The following CACNA1A variants were observed in gnomAD, a reference collection of about 807,000 sequenced individuals.
CACNA1A encodes calcium voltage-gated channel subunit alpha1 A, also known as voltage-dependent P/Q-type calcium channel subunit alpha-1A.
In CACNA1A, 57 loss-of-function variants were observed where a neutral mutation model predicts 262.4. The ratio of observed to expected loss-of-function variants is 0.22; its 90% CI spans 0.18 to 0.27. The LOEUF (loss-of-function observed/expected upper bound fraction) is 0.27, where lower values mean the gene tolerates loss of function less well. Ranked by LOEUF, CACNA1A falls within the 10% of genes least tolerant of loss-of-function variation. The probability of loss-of-function intolerance (pLI) is 1.00; values close to 1 mark genes in which losing one functional copy is unlikely to be tolerated. For synonymous variants in CACNA1A, 1,431 were observed against 1,419.3 expected (o/e 1.01, Z -0.18); for missense variants, 2,526 against 3,562.8 (o/e 0.71, Z 7.41).
intron 3 of CACNA1A, among the ~76,000 whole-genome samples, chr19:13,389,753 T>C (rs2059680655): frequency 1.3e-5 from 2 of 152,292 alleles, no homozygotes; most frequent in South Asian, 4.1e-4. Context: ...GTTATTCTGG[T>C]TGACTTGCAG....
intron 3 of CACNA1A, among the ~76,000 whole-genome samples, chr19:13,405,141 C>T (rs747090671): frequency 9.9e-5 from 15 of 151,898 alleles, no homozygotes; most frequent in Non-Finnish European, 2.2e-4. Flanking sequence ...AGTGATCTGC[C>T]CGCCTTGGCC....
At chr19:13,379,653 C>T (rs900145941) in intron 3 of CACNA1A, among the ~76,000 whole-genome samples, 5 of 152,162 alleles carry the variant, frequency 3.3e-5, no homozygotes, top group Non-Finnish European at 7.3e-5. Context: ...GGGCCGGGCG[C>T]GGTGGCTCAC....
chr19:13,229,473 T>G (rs1004274660), intron 36 of CACNA1A, among the ~76,000 whole-genome samples: 21 of 152,196 alleles, frequency 1.4e-4, no homozygotes, highest in Admixed American at 5.9e-4. Context: ...ACCCACCCTC[T>G]GAAACCATTG....
chr19:13,340,204 G>A lies in CACNA1A; in HGVS notation c.979-4295C>T, dbSNP rs572070162. On this transcript the variant is annotated intron_variant, in intron 6 of 46. Transcript: ENST00000360228. ...AGGCCCTTCCATACCAAGGCAGCCC[G>A]TCCATCTCAGGTGCTGCCAACAAGA... 2.2e-4 allele frequency among the ~76,000 whole-genome samples: 33 copies of A among 152,090 alleles called. No individual in the cohort carries two copies. In the South Asian group the frequency reaches 2.3e-3, roughly 11 times the overall value.
In CACNA1A at chr19:13,351,824, T is replaced by A. The variant is rs569058307; in HGVS notation, c.978+7782A>T. On this transcript the variant is annotated intron_variant, in intron 6 of 46. Transcript: ENST00000360228. Reference sequence around the variant, plus strand: ...CATCTGGCTAATTAAAAAAAAAAATTTTTTTAAGATGAGTCTTGCTGTGTT... The same window carrying A: ...CATCTGGCTAATTAAAAAAAAAAATATTTTTAAGATGAGTCTTGCTGTGTT... 1.9e-3 allele frequency among the ~76,000 whole-genome samples: 286 copies of A among 151,390 alleles called. 1 individual carries two copies. The highest frequency in any genetic ancestry group is 3.4e-3 in the Middle Eastern group (1 of 294).
At chr19:13,353,935 T>C (rs2058959196) in intron 6 of CACNA1A, among the ~76,000 whole-genome samples, 1 of 152,194 alleles carries the variant, frequency 6.6e-6, no homozygotes, top group Non-Finnish European at 1.5e-5. Flanking sequence ...GGGCTTCCCA[T>C]AGTACATACA....
At chr19:13,287,507 T>A (rs150943991) in intron 19 of CACNA1A, among the ~76,000 whole-genome samples, 239 of 152,176 alleles carry the variant, frequency 1.6e-3, no homozygotes, top group African/African-American at 5.1e-3. Flanking sequence ...CAACTCCCCA[T>A]CATCTTATTT....
rs573776067 is a variant in CACNA1A, at chr19:13,503,252, A to G, written c.293+2680T>C. 2.4e-4 allele frequency among the ~76,000 whole-genome samples: 36 copies of G among 152,264 alleles called. 1 individual carries two copies. In the South Asian group the frequency reaches 4.4e-3, roughly 18 times the overall value. On this transcript the variant is annotated intron_variant, in intron 1 of 46. Transcript: ENST00000360228. ...TAAAAGAGGCAAAATGAACCTTAGA[A>G]GTCAGGTGAGCGGTACCCTTGTTGG... is the stretch of plus-strand genomic sequence containing the variant.
chr19:13,393,684 TC>T (rs200738427), intron 3 of CACNA1A, among the ~76,000 whole-genome samples: 36,957 of 143,402 alleles, frequency 0.26, 5,962 homozygotes, highest in East Asian at 0.44. Context: ...TCTCTTTCTT[TC>T]CTTTTCTTTC....
intron 1 of CACNA1A, among the ~76,000 whole-genome samples, chr19:13,465,937 T>C (rs56701389): frequency 5.1e-4 from 78 of 152,332 alleles, no homozygotes; most frequent in African/African-American, 1.9e-3. Context: ...TCCTGTTGAC[T>C]ACCTAGAATA....
intron 17 of CACNA1A, among the ~76,000 whole-genome samples, chr19:13,301,724 G>A (rs1189826414): frequency 1.7e-4 from 26 of 152,146 alleles, no homozygotes; most frequent in Admixed American, 1.7e-3. Flanking sequence ...AAATGAACCC[G>A]CCCATAAGAA....
At chr19:13,413,358 G>T (rs926170119) in intron 3 of CACNA1A, among the ~76,000 whole-genome samples, 5 of 151,044 alleles carry the variant, frequency 3.3e-5, no homozygotes, top group Non-Finnish European at 7.4e-5. Flanking sequence ...CGCCCGCCTT[G>T]GCCTCCCAAA....
At chr19:13,261,868 C>A (rs1204623237) in intron 25 of CACNA1A, 1 of 385,756 alleles carries the variant, frequency 2.6e-6, no homozygotes, top group African/African-American at 2.0e-5. Flanking sequence ...AGGAGCCCAA[C>A]ACAGAAAAAC....
intron 3 of CACNA1A, among the ~76,000 whole-genome samples, chr19:13,382,536 G>A (rs748494630): frequency 3.9e-5 from 6 of 152,228 alleles, no homozygotes; most frequent in Non-Finnish European, 8.8e-5. Context: ...TGGTAGGGGA[G>A]AGGTTGGGTA....
intron 1 of CACNA1A, among the ~76,000 whole-genome samples, chr19:13,505,333 G>A (rs1172342648): frequency 6.6e-6 from 1 of 152,006 alleles, no homozygotes; most frequent in Non-Finnish European, 1.5e-5. Flanking sequence ...TACTCACTTC[G>A]GCCAGTGCTG....
intron 34 of CACNA1A, among the ~76,000 whole-genome samples, chr19:13,233,491 A>T (rs1288739384): frequency 6.6e-6 from 1 of 152,120 alleles, no homozygotes; most frequent in Non-Finnish European, 1.5e-5. Context: ...TTAAAAAAAT[A>T]TATTTTTCTT....
Position 13,286,635 on chromosome 19 carries a change from CG to C in CACNA1A, c.3420del (p.Glu1141ArgfsTer45). On this transcript the variant is annotated frameshift_variant, in exon 20 of 47. Coordinates refer to ENST00000360228, the MANE Select transcript of CACNA1A (RefSeq NM_001127222.2). LOFTEE classifies it high-confidence loss of function. ...GGGTTGGTGACGATAAGGCTATTCT[CG>C]GGGGTCTTGGGGGGGCCGGGATTGG... ...NPSNPGPPKT[P>X]ENSLIVTNPS... 6.5e-7 allele frequency: 1 copy of C among 1,528,812 alleles called. No individual in the cohort carries two copies. Among genetic ancestry groups the C allele is most frequent in the Non-Finnish European group, 8.8e-7 (1 of 1,140,892 alleles). 94.7% of individuals were successfully genotyped at this position (1,528,812 alleles called of 1,614,324 possible).
At chr19:13,317,467 T>C in intron 10 of CACNA1A, 146 bp from the exon 11 acceptor site, 1 of 632,182 alleles carries the variant, frequency 1.6e-6, no homozygotes. Context: ...TCATGACCCA[T>C]GGGCTTAGTT....
At chr19:13,219,160 G>A (rs1489986563) in intron 38 of CACNA1A, among the ~76,000 whole-genome samples, 1 of 149,566 alleles carries the variant, frequency 6.7e-6, no homozygotes, top group Non-Finnish European at 1.5e-5. Flanking sequence ...TCCTACCTTA[G>A]CCTTCCAAGT....
Sources: allele counts gnomAD v4.1 joint callset (sites outside exome capture counted in the v4.1 genomes callset), GRCh38; gene constraint gnomAD v4.1.1; transcripts MANE v1.5; gene names NCBI Gene and HGNC (gene_info 2026-07-23, HGNC 2026-07-21).